The following NTM variants were observed in gnomAD, a reference collection of about 807,000 sequenced individuals.
NTM encodes the protein IgLON family member 2.
In NTM, 13 loss-of-function variants were observed where a neutral mutation model predicts 42.1. That is an observed-to-expected ratio of 0.31 (90% CI 0.20 to 0.49). NTM has a LOEUF of 0.49. NTM is among the 20% of genes least tolerant of loss of function. The probability of loss-of-function intolerance (pLI) is 0.99; values close to 1 mark genes in which losing one functional copy is unlikely to be tolerated. For synonymous variants in NTM, 187 were observed against 179.2 expected (o/e 1.04, Z -0.35); for missense variants, 373 against 452.8 (o/e 0.82, Z 1.60).
intron 1 of NTM, among the ~76,000 whole-genome samples, chr11:131,698,757 G>T (rs1434080859): frequency 1.3e-5 from 2 of 152,216 alleles, no homozygotes; most frequent in African/African-American, 4.8e-5. Context: ...AGGCTTCCTT[G>T]TTAGGAGTAT....
chr11:131,795,677 G>T, intron 1 of NTM: 1 of 985,414 alleles, frequency 1.0e-6, no homozygotes, highest in Non-Finnish European at 1.2e-6. Flanking sequence ...AGTTCAGGGC[G>T]AACAGCAGAT....
chr11:131,468,992 A>G (rs1295414815), intron 1 of NTM, among the ~76,000 whole-genome samples: 1 of 152,262 alleles, frequency 6.6e-6, no homozygotes, highest in Non-Finnish European at 1.5e-5. Flanking sequence ...GGCAATAAGC[A>G]GATGGAAAGC....
At chr11:131,832,741 G>T (rs951912338) in intron 1 of NTM, among the ~76,000 whole-genome samples, 4 of 152,168 alleles carry the variant, frequency 2.6e-5, no homozygotes, top group Admixed American at 6.5e-5. Flanking sequence ...TCCTTCCAGA[G>T]TCACATTGGA....
chr11:131,933,743 G>A (rs771353028), intron 2 of NTM, among the ~76,000 whole-genome samples: 20 of 152,058 alleles, frequency 1.3e-4, no homozygotes, highest in African/African-American at 1.9e-4. Flanking sequence ...TCAAAGTCCC[G>A]TGGGCGATGA....
At chr11:132,282,259 T>C (rs2093999898) in intron 4 of NTM, among the ~76,000 whole-genome samples, 1 of 152,242 alleles carries the variant, frequency 6.6e-6, no homozygotes, top group African/African-American at 2.4e-5. Context: ...ATATTTGCAT[T>C]GTTGTAAACA....
intron 2 of NTM, among the ~76,000 whole-genome samples, chr11:131,933,544 T>A (rs2058869462): frequency 6.6e-6 from 1 of 152,152 alleles, no homozygotes; most frequent in African/African-American, 2.4e-5. Context: ...ATGCAGTCAG[T>A]TTCCTTGTGC....
chr11:131,961,718 G>T (rs2062196674), intron 2 of NTM, among the ~76,000 whole-genome samples: 1 of 152,158 alleles, frequency 6.6e-6, no homozygotes, highest in Non-Finnish European at 1.5e-5. Flanking sequence ...AGCATCAATA[G>T]CCCTGAGAGG....
intron 2 of NTM, among the ~76,000 whole-genome samples, chr11:132,127,298 C>G (rs1458180226): frequency 6.6e-6 from 1 of 152,218 alleles, no homozygotes; most frequent in Non-Finnish European, 1.5e-5. Flanking sequence ...TATTAATATC[C>G]TGATAAGCGA....
intron 1 of NTM, among the ~76,000 whole-genome samples, chr11:131,559,796 G>A (rs2136987421): frequency 6.6e-6 from 1 of 152,288 alleles, no homozygotes; most frequent in South Asian, 2.1e-4. Context: ...AAACAACAGG[G>A]AGGAGTAAGG....
intron 1 of NTM, among the ~76,000 whole-genome samples, chr11:131,490,385 G>A (rs1954652368): frequency 6.6e-6 from 1 of 152,164 alleles, no homozygotes; most frequent in African/African-American, 2.4e-5. Context: ...ATTATCTATT[G>A]CTGGGCAGAA....
intron 3 of NTM, among the ~76,000 whole-genome samples, chr11:132,209,920 C>T (rs2082575940): frequency 6.6e-6 from 1 of 152,176 alleles, no homozygotes; most frequent in Non-Finnish European, 1.5e-5. Context: ...TGGAAGGTAA[C>T]ACTGGAGAAG....
intron 1 of NTM, among the ~76,000 whole-genome samples, chr11:131,481,624 GGCCCTGTTGC>G (rs1953602585): frequency 4.5e-5 from 2 of 44,764 alleles, no homozygotes; most frequent in African/African-American, 1.8e-4. Flanking sequence ...GTGGTTGCAG[GGCCCTGTTGC>G]AGGGAAGCAC....
intron 1 of NTM, among the ~76,000 whole-genome samples, chr11:131,567,816 C>T (rs2137057443): frequency 6.6e-6 from 1 of 152,312 alleles, no homozygotes; most frequent in African/African-American, 2.4e-5. Flanking sequence ...GAAGATGGCA[C>T]CAGTGAAGGC....
chr11:132,302,181 T>C (rs1263952172), intron 4 of NTM, among the ~76,000 whole-genome samples: 1 of 152,178 alleles, frequency 6.6e-6, no homozygotes, highest in Non-Finnish European at 1.5e-5. Context: ...ATTTCCCTGC[T>C]TCGGTTGTCG....
At chr11:131,995,704 A>AAAGCCAACCACCAAGACAACGAATG (rs1262557343) in intron 2 of NTM, among the ~76,000 whole-genome samples, 16 of 152,144 alleles carry the variant, frequency 1.1e-4, no homozygotes, top group Non-Finnish European at 1.9e-4. Context: ...TGCTACACAG[A>AAAGCCAACCACCAAGACAACGAATG]AAGCCAACCA....
At chr11:132,124,257 C>A (rs2065304271) in intron 2 of NTM, among the ~76,000 whole-genome samples, 1 of 152,110 alleles carries the variant, frequency 6.6e-6, no homozygotes, top group South Asian at 2.1e-4. Flanking sequence ...CTGTCTCCAT[C>A]CCTTCCTGTC....
chr11:132,195,305 A>G (rs959433418), intron 3 of NTM, among the ~76,000 whole-genome samples: 3 of 152,172 alleles, frequency 2.0e-5, no homozygotes, highest in African/African-American at 7.2e-5. Flanking sequence ...AAAGTCAAAA[A>G]CAAATCGAAA....
chr11:131,605,774 C>A, intron 1 of NTM: 1 of 983,504 alleles, frequency 1.0e-6, no homozygotes, highest in South Asian at 4.7e-5. Context: ...AATAAAGGTG[C>A]CCTATTCAAT....
At chr11:132,240,375 A>T (rs1298848742) in intron 4 of NTM, among the ~76,000 whole-genome samples, 1 of 152,234 alleles carries the variant, frequency 6.6e-6, no homozygotes, top group East Asian at 1.9e-4. Context: ...CAGAAAGCTC[A>T]GAGTATAAAC....
Sources: gnomAD v4.1 joint callset for allele counts (sites outside exome capture counted in the v4.1 genomes callset) on GRCh38, gnomAD v4.1.1 for gene constraint, MANE v1.5 for transcripts, NCBI Gene and HGNC (gene_info 2026-07-23, HGNC 2026-07-21) for gene names.